PRKCQ: variants seen among roughly 807,000 people sequenced by gnomAD.
PRKCQ encodes protein kinase C theta.
PRKCQ carries 41 observed loss-of-function variants against 91.2 expected under a neutral mutation model. That is an observed-to-expected ratio of 0.45 (90% CI 0.35 to 0.58). The LOEUF (loss-of-function observed/expected upper bound fraction) is 0.58, where lower values mean the gene tolerates loss of function less well. PRKCQ is among the 20% of genes least tolerant of loss of function. The pLI is 0.00. For synonymous variants in PRKCQ, 307 were observed against 316.9 expected (o/e 0.97, Z 0.33); for missense variants, 673 against 896.5 (o/e 0.75, Z 3.18).
chr10:6,444,472 A>AT (rs899651574), intron 15 of PRKCQ, among the ~76,000 whole-genome samples: 5 of 152,078 alleles, frequency 3.3e-5, no homozygotes, highest in African/African-American at 9.7e-5. Flanking sequence ...GGCACATAAA[A>AT]TTTTTTTTAA....
At chr10:6,574,973 A>G (rs1841176129) in intron 1 of PRKCQ, among the ~76,000 whole-genome samples, 1 of 125,036 alleles carries the variant, frequency 8.0e-6, no homozygotes, top group African/African-American at 2.7e-5. Context: ...GAAACACACA[A>G]TCATTCTGCA....
In PRKCQ at chr10:6,571,466, C is replaced by T. The variant is rs943455; in HGVS notation, c.-10+8745G>A. The stretch of plus-strand genomic sequence containing the variant: ...GTATATTTCAAAGTTTATAACCTTC[C>T]TAACAAACCAGGGACATGGTTGTTA... On this transcript the variant is annotated intron_variant, in intron 1 of 17. Transcript: ENST00000263125. Among the ~76,000 whole-genome samples, 1,511 of 152,264 alleles carry T rather than the reference C, an allele frequency of 9.9e-3. 28 individuals carry two copies. Among genetic ancestry groups the T allele is most frequent in the African/African-American group, 0.035 (1,449 of 41,542 alleles).
At chr10:6,414,329 T>G in the PRKCQ span, among the ~76,000 whole-genome samples, 1 of 152,142 alleles carries the variant, frequency 6.6e-6, no homozygotes, top group Non-Finnish European at 1.5e-5. Context: ...CCAAGTAACT[T>G]TACCACATCA....
intron 1 of PRKCQ, among the ~76,000 whole-genome samples, chr10:6,557,605 G>T (rs1156608232): frequency 6.6e-6 from 1 of 151,712 alleles, no homozygotes; most frequent in African/African-American, 2.4e-5. Flanking sequence ...CATCTATTTT[G>T]ATGGCTCCTA....
At chr10:6,554,726 T>C (rs966590446) in intron 1 of PRKCQ, among the ~76,000 whole-genome samples, 1 of 152,190 alleles carries the variant, frequency 6.6e-6, no homozygotes, top group Admixed American at 6.5e-5. Flanking sequence ...TCATTTCCAT[T>C]AAAAATTACT....
At chr10:6,558,477 G>A (rs1840504292) in intron 1 of PRKCQ, among the ~76,000 whole-genome samples, 2 of 152,128 alleles carry the variant, frequency 1.3e-5, no homozygotes, top group South Asian at 4.1e-4. Context: ...CTTGACTAAA[G>A]TAAAGATGAC....
At chr10:6,498,260 G>T in intron 5 of PRKCQ, 136 bp downstream of exon 5, 1 of 1,161,186 alleles carries the variant, frequency 8.6e-7, no homozygotes, top group Non-Finnish European at 1.2e-6. Context: ...CTCAGTTCAG[G>T]CAAGGTCCCT....
intron 12 of PRKCQ, among the ~76,000 whole-genome samples, chr10:6,470,133 T>C (rs1308687381): frequency 6.6e-6 from 1 of 152,242 alleles, no homozygotes; most frequent in Non-Finnish European, 1.5e-5. Context: ...TCCTCCTCCA[T>C]GACACATTCC....
chr10:6,496,151 A>C (rs751152850), intron 7 of PRKCQ, among the ~76,000 whole-genome samples: 17 of 149,082 alleles, frequency 1.1e-4, no homozygotes, highest in Non-Finnish European at 1.6e-4. Context: ...GGAAGGTGGA[A>C]GTTGCAGTGA....
Position 6,507,486 on chromosome 10 carries a change from T to A in PRKCQ, c.329A>T (p.Lys110Ile), listed in dbSNP as rs1838257300. 6.2e-7 allele frequency: 1 copy of A among 1,613,552 alleles called. No homozygotes were observed. Among genetic ancestry groups the A allele is most frequent in the Non-Finnish European group, 8.5e-7 (1 of 1,179,626 alleles). Residue 110 changes from lysine (K) to isoleucine (I), a missense_variant, in exon 4 of 18, where the codon AAA (lysine) becomes ATA (isoleucine). Coordinates refer to ENST00000263125, the MANE Select transcript of PRKCQ (RefSeq NM_006257.5). ...NGKTEIWLEL[K>I]PQGRMLMNAR... ...ATTCATTAGCATTCGGCCTTGAGGT[T>A]TCAGCTCTAACTGGTTGGGAGAAGG...
chr10:6,487,097 A>T (rs1360524391), intron 8 of PRKCQ, among the ~76,000 whole-genome samples: 2 of 152,154 alleles, frequency 1.3e-5, no homozygotes, highest in Non-Finnish European at 2.9e-5. Context: ...GTTTGAGCAC[A>T]TTCCCCAGTT....
At chr10:6,469,563 A>G (rs1418463925) in intron 12 of PRKCQ, among the ~76,000 whole-genome samples, 1 of 152,216 alleles carries the variant, frequency 6.6e-6, no homozygotes. Context: ...TGGAATGAAC[A>G]ATTTTCCAAT....
At chr10:6,413,191 A>T in the PRKCQ span, among the ~76,000 whole-genome samples, 5 of 152,112 alleles carry the variant, frequency 3.3e-5, no homozygotes, top group African/African-American at 1.2e-4. Context: ...TGACCTTGTG[A>T]TCAGCCCGCC....
chr10:6,517,401 T>C (rs1039064712), intron 1 of PRKCQ, among the ~76,000 whole-genome samples: 2 of 151,908 alleles, frequency 1.3e-5, no homozygotes, highest in African/African-American at 4.8e-5. Context: ...TTTGGCTTTT[T>C]AAGTTAACAT....
At chr10:6,412,745 T>C in the PRKCQ span, among the ~76,000 whole-genome samples, 1 of 152,190 alleles carries the variant, frequency 6.6e-6, no homozygotes, top group Non-Finnish European at 1.5e-5. Flanking sequence ...AAATTCATGA[T>C]TGATTAGATC....
the PRKCQ span, among the ~76,000 whole-genome samples, chr10:6,404,965 T>TCCTTCCTC: frequency 3.4e-5 from 5 of 147,594 alleles, no homozygotes; most frequent in Non-Finnish European, 6.0e-5. Flanking sequence ...TATCCTTCCT[T>TCCTTCCTC]CCTTCTCTCT....
the PRKCQ span, among the ~76,000 whole-genome samples, chr10:6,417,119 TA>T: frequency 2.0e-5 from 3 of 152,334 alleles, no homozygotes; most frequent in Non-Finnish European, 4.4e-5. Context: ...AGGAAAACCT[TA>T]AAAGCACAAT....
intron 4 of PRKCQ, among the ~76,000 whole-genome samples, chr10:6,505,764 G>T (rs1340209090): frequency 1.3e-5 from 2 of 151,960 alleles, no homozygotes; most frequent in Admixed American, 6.6e-5. Flanking sequence ...TCCCACCTCA[G>T]CCTCACAAGT....
At chr10:6,533,473 A>T (rs1839469140) in intron 1 of PRKCQ, among the ~76,000 whole-genome samples, 1 of 152,134 alleles carries the variant, frequency 6.6e-6, no homozygotes, top group Non-Finnish European at 1.5e-5. Flanking sequence ...CTAGGATTAC[A>T]GGCACGAGCC....
Sources: allele counts gnomAD v4.1 joint callset (sites outside exome capture counted in the v4.1 genomes callset), GRCh38; gene constraint gnomAD v4.1.1; transcripts MANE v1.5; gene names NCBI Gene and HGNC (gene_info 2026-07-23, HGNC 2026-07-21).